The following PLXNA4 variants were observed in gnomAD, a reference collection of about 807,000 sequenced individuals.
PLXNA4 encodes plexin-A4.
Under a neutral mutation model 191.8 loss-of-function variants are expected in PLXNA4, and 44 were observed. The observed-to-expected ratio is 0.23, with a 90% CI of 0.18 to 0.29. The LOEUF (loss-of-function observed/expected upper bound fraction) is 0.29. Among genes scored for constraint, PLXNA4 ranks in the 10% least tolerant of loss-of-function variants. The pLI is 1.00. For missense variants in PLXNA4, 1,800 were observed against 2,488.8 expected, an observed-to-expected ratio of 0.72 and a Z score of 5.89; for synonymous variants, 1,082 against 1,009.5, an observed-to-expected ratio of 1.07 and a Z score of -1.36.
intron 4 of PLXNA4, among the ~76,000 whole-genome samples, chr7:132,285,792 T>A (rs1263561635): frequency 6.6e-6 from 1 of 152,136 alleles, no homozygotes; most frequent in Non-Finnish European, 1.5e-5. Context: ...AGCAAGTCAA[T>A]CAGTGCTCAT....
chr7:132,250,180 TG>T (rs1167635108), intron 4 of PLXNA4, among the ~76,000 whole-genome samples: 4 of 152,136 alleles, frequency 2.6e-5, no homozygotes, highest in Non-Finnish European at 5.9e-5. Context: ...GAAGAATAAT[TG>T]GGATGACACA....
intron 16 of PLXNA4, among the ~76,000 whole-genome samples, chr7:132,184,574 A>T (rs1313564537): frequency 1.3e-5 from 2 of 152,164 alleles, no homozygotes; most frequent in Non-Finnish European, 2.9e-5. Flanking sequence ...GGATTTCAAA[A>T]TCCCTGGGTG....
At position 132,168,543 on chromosome 7, in the gene PLXNA4, C is replaced by G; in HGVS notation, c.4047G>C (p.Glu1349Asp). 6.3e-7 allele frequency: 1 copy of G among 1,597,960 alleles called. No homozygotes were observed. Among genetic ancestry groups the G allele is most frequent in the Non-Finnish European group, 8.5e-7 (1 of 1,170,716 alleles). The stretch of plus-strand genomic sequence containing the variant: ...GCTGGGCGAAGAGCTTCAGGCCTTT[C>G]TCCACACGCTCCTGCCGGTAGCCCG... ...EVPGYRQERV[E>D]KGLKLFAQLI... The change falls in exon 22 of 32, where the codon GAG becomes GAC. Residue 1349 changes from glutamate to aspartate, a missense_variant. Transcript: ENST00000321063.
intron 2 of PLXNA4, 74 bp downstream of exon 2, chr7:132,507,432 C>T (rs868096349): frequency 1.4e-6 from 2 of 1,473,602 alleles, no homozygotes; most frequent in East Asian, 2.3e-5. Flanking sequence ...GATACACATC[C>T]CATGGGGGCT....
At chr7:132,265,656 T>C (rs915925353) in intron 4 of PLXNA4, among the ~76,000 whole-genome samples, 1 of 152,158 alleles carries the variant, frequency 6.6e-6, no homozygotes, top group Admixed American at 6.5e-5. Context: ...ACTGAATACC[T>C]TGTGTAGCAG....
At chr7:132,521,518 C>T (rs1053063232) in intron 1 of PLXNA4, among the ~76,000 whole-genome samples, 1 of 152,180 alleles carries the variant, frequency 6.6e-6, no homozygotes, top group African/African-American at 2.4e-5. Flanking sequence ...TGGGCACACA[C>T]CTGCAAGTCA....
intron 2 of PLXNA4, among the ~76,000 whole-genome samples, chr7:132,505,340 C>T (rs556078125): frequency 1.3e-5 from 2 of 152,356 alleles, no homozygotes; most frequent in South Asian, 2.1e-4. Flanking sequence ...GCAGCACGAA[C>T]ACTTGCCCAT....
intron 3 of PLXNA4, among the ~76,000 whole-genome samples, chr7:132,387,587 C>T (rs747543796): frequency 2.0e-4 from 31 of 152,146 alleles, no homozygotes; most frequent in African/African-American, 5.1e-4. Context: ...CAGAGAATTA[C>T]GGCACTCACT....
chr7:132,560,788 A>G (rs1019269274), intron 1 of PLXNA4, among the ~76,000 whole-genome samples: 2 of 151,888 alleles, frequency 1.3e-5, no homozygotes, highest in African/African-American at 4.8e-5. Context: ...GGACAACCCC[A>G]CTGCCCGTTC....
intron 9 of PLXNA4, among the ~76,000 whole-genome samples, 165 bp downstream of exon 9, chr7:132,223,362 G>C (rs1200475981): frequency 1.3e-5 from 2 of 152,176 alleles, no homozygotes; most frequent in African/African-American, 2.4e-5. Flanking sequence ...CCAGCACAGA[G>C]CTTGGCATAT....
chr7:132,511,934 G>A (rs1798728935), intron 1 of PLXNA4, among the ~76,000 whole-genome samples: 1 of 152,192 alleles, frequency 6.6e-6, no homozygotes, highest in Non-Finnish European at 1.5e-5. Flanking sequence ...CACACATTGA[G>A]TTGAAGACAG....
At chr7:132,360,200 T>C (rs1051878598) in intron 3 of PLXNA4, among the ~76,000 whole-genome samples, 2 of 152,180 alleles carry the variant, frequency 1.3e-5, no homozygotes, top group African/African-American at 2.4e-5. Flanking sequence ...TAAGCTTACC[T>C]TTCTGCCAGG....
At chr7:132,441,888 G>A (rs1056877597) in intron 3 of PLXNA4, among the ~76,000 whole-genome samples, 1 of 152,228 alleles carries the variant, frequency 6.6e-6, no homozygotes, top group African/African-American at 2.4e-5. Flanking sequence ...CCAGAGGTCT[G>A]TTGGGGCTTC....
At chr7:132,276,837 TTCTGAAATGAGTCC>T (rs1371756918) in intron 4 of PLXNA4, among the ~76,000 whole-genome samples, 2 of 152,204 alleles carry the variant, frequency 1.3e-5, no homozygotes, top group African/African-American at 4.8e-5. Context: ...GGGCTGCTGC[TTCTGAAATGAGTCC>T]TCTGTGTTGG....
At chr7:132,593,559 C>T (rs1802644978) in intron 2 of PLXNA4, among the ~76,000 whole-genome samples, 1 of 152,192 alleles carries the variant, frequency 6.6e-6, no homozygotes, top group South Asian at 2.1e-4. Context: ...GGAGAAGGCC[C>T]CATGAGGCCA....
intron 14 of PLXNA4, among the ~76,000 whole-genome samples, chr7:132,191,331 C>A (rs1327547886): frequency 2.0e-5 from 3 of 152,094 alleles, no homozygotes; most frequent in Non-Finnish European, 4.4e-5. Flanking sequence ...TGAGCCACAG[C>A]CCAACAGGAT....
intron 2 of PLXNA4, among the ~76,000 whole-genome samples, chr7:132,637,221 A>T (rs1321307204): frequency 6.6e-6 from 1 of 152,058 alleles, no homozygotes; most frequent in Non-Finnish European, 1.5e-5. Context: ...CACAATTTGT[A>T]TGCACAATCC....
At chr7:132,342,571 A>G (rs1803072282) in intron 3 of PLXNA4, among the ~76,000 whole-genome samples, 1 of 152,128 alleles carries the variant, frequency 6.6e-6, no homozygotes, top group African/African-American at 2.4e-5. Context: ...GAGGCCAGCA[A>G]TCCTCTGACC....
chr7:132,376,774 T>C (rs186283635), intron 3 of PLXNA4, among the ~76,000 whole-genome samples: 16 of 152,310 alleles, frequency 1.1e-4, no homozygotes, highest in African/African-American at 4.8e-5. Context: ...AAATTGTCCC[T>C]GTGACTGTCC....
Sources: allele counts gnomAD v4.1 joint callset (sites outside exome capture counted in the v4.1 genomes callset), GRCh38; gene constraint gnomAD v4.1.1; transcripts MANE v1.5; gene names NCBI Gene and HGNC (gene_info 2026-07-23, HGNC 2026-07-21).